The following PRKN variants were observed in gnomAD, a reference collection of about 807,000 sequenced individuals.
PRKN encodes E3 ubiquitin-protein ligase parkin.
PRKN carries 56 observed loss-of-function variants against 59.5 expected under a neutral mutation model. The ratio of observed to expected loss-of-function variants is 0.94; its 90% CI spans 0.76 to 1.18. The LOEUF is 1.18. PRKN is among the 50% of genes most tolerant of loss of function. The probability of loss-of-function intolerance (pLI) is 0.00; values close to 1 mark genes in which losing one functional copy is unlikely to be tolerated. For synonymous variants in PRKN, 250 were observed against 222.1 expected (o/e 1.13, Z -1.12); for missense variants, 657 against 596.4 (o/e 1.10, Z -1.06).
intron 6 of PRKN, among the ~76,000 whole-genome samples, chr6:161,928,290 CTTATTA>C (rs764938865): frequency 6.6e-6 from 1 of 152,070 alleles, no homozygotes; most frequent in African/African-American, 2.4e-5. Flanking sequence ...GATAATGACA[CTTATTA>C]TTAATATTTG....
intron 3 of PRKN, among the ~76,000 whole-genome samples, chr6:162,203,721 T>C (rs532541663): frequency 2.0e-5 from 3 of 152,312 alleles, no homozygotes; most frequent in Admixed American, 6.5e-5. Flanking sequence ...TCTTGTGGTA[T>C]GTAGCTGTCT....
chr6:161,474,253 T>A (rs1017958072), intron 9 of PRKN, among the ~76,000 whole-genome samples: 2 of 152,184 alleles, frequency 1.3e-5, no homozygotes, highest in Non-Finnish European at 2.9e-5. Flanking sequence ...GGGCCTGGTG[T>A]GTAATGGCTC....
In PRKN at chr6:161,750,118, T is replaced by TATATATACAC. The variant is rs1269147499; in HGVS notation, c.871+35653_871+35654insGTGTATATAT. On this transcript the variant is annotated intron_variant, in intron 7 of 11. Coordinates refer to ENST00000366898, the MANE Select transcript of PRKN (RefSeq NM_004562.3). ...TAGGACATATATATATATATATATA[T>TATATATACAC]ACACACACACACACACACACACACA... Among the ~76,000 whole-genome samples, 62 of 137,822 alleles carry TATATATACAC rather than the reference T, an allele frequency of 4.5e-4. 1 individual carries two copies. Among genetic ancestry groups the TATATATACAC allele is most frequent in the African/African-American group, 1.5e-3 (57 of 37,318 alleles). The allele number at this position is 137,822 out of a possible 152,430, so 90.4% of individuals were successfully genotyped here. A position where few individuals can be genotyped will look rare whatever the true frequency, so the allele number is the denominator to read the frequency against.
intron 1 of PRKN, among the ~76,000 whole-genome samples, chr6:162,690,426 G>C (rs1157171100): frequency 6.6e-6 from 1 of 152,164 alleles, no homozygotes. Context: ...TCTTAGTTAA[G>C]AGCACAGCTC....
At chr6:162,037,207 G>A (rs1317612284) in intron 5 of PRKN, among the ~76,000 whole-genome samples, 1 of 152,146 alleles carries the variant, frequency 6.6e-6, no homozygotes, top group African/African-American at 2.4e-5. Context: ...ATGTGTCTAA[G>A]GAAGATCACT....
In PRKN at chr6:161,456,655, A is replaced by G. The variant is rs1458706345; in HGVS notation, c.1084-69778T>C. ...ATCACCAGCTTGAATCCTGCCCAAG[A>G]ATAAAGAGGATCAAGGACAGGGCAC... is the stretch of plus-strand genomic sequence containing the variant. On this transcript the variant is annotated intron_variant, in intron 9 of 11. Coordinates refer to ENST00000366898, the MANE Select transcript of PRKN (RefSeq NM_004562.3). The surrounding 1 kb of genome is among the most constrained non-coding windows in gnomAD (Gnocchi z 4.8). Among the ~76,000 whole-genome samples the G allele has an allele frequency of 3.3e-5, 5 of 152,178 alleles. No individual in the cohort carries two copies. Among genetic ancestry groups the G allele is most frequent in the Admixed American group, 3.3e-4 (5 of 15,274 alleles).
At chr6:161,659,560 G>T (rs1037249822) in intron 7 of PRKN, among the ~76,000 whole-genome samples, 3 of 152,164 alleles carry the variant, frequency 2.0e-5, no homozygotes, top group Non-Finnish European at 2.9e-5. Context: ...CTATGGGCTG[G>T]GCATAAGGAT....
intron 7 of PRKN, among the ~76,000 whole-genome samples, chr6:161,734,751 C>T (rs1290543412): frequency 2.0e-5 from 3 of 152,082 alleles, no homozygotes; most frequent in Non-Finnish European, 4.4e-5. Flanking sequence ...CAAGCCAATG[C>T]TATTGAGTGG....
intron 7 of PRKN, among the ~76,000 whole-genome samples, chr6:161,684,350 G>A (rs1055137586): frequency 6.6e-6 from 1 of 151,872 alleles, no homozygotes; most frequent in Non-Finnish European, 1.5e-5. Flanking sequence ...TCAAAGTGCT[G>A]GGATTACACG....
intron 6 of PRKN, among the ~76,000 whole-genome samples, chr6:161,791,142 TTAAG>T (rs1790621464): frequency 1.3e-5 from 2 of 152,296 alleles, no homozygotes; most frequent in African/African-American, 4.8e-5. Flanking sequence ...AAATTAAAGG[TTAAG>T]TAAAGTTCTC....
chr6:161,668,576 T>C (rs565896042), intron 7 of PRKN, among the ~76,000 whole-genome samples: 63 of 152,334 alleles, frequency 4.1e-4, no homozygotes, highest in African/African-American at 1.4e-3. Context: ...GTCCCTAAGA[T>C]ATTAAGCTCC....
chr6:161,633,322 C>T (rs12209276), intron 7 of PRKN, among the ~76,000 whole-genome samples: 363 of 152,260 alleles, frequency 2.4e-3, no homozygotes, highest in Non-Finnish European at 4.1e-3. Flanking sequence ...TTTTTATATT[C>T]CTTCCAATTG....
chr6:161,409,102 T>C lies in PRKN; in HGVS notation c.1084-22225A>G, dbSNP rs1787408943. 6.6e-6 allele frequency among the ~76,000 whole-genome samples: 1 copy of C among 152,110 alleles called. No homozygotes were observed. The highest frequency in any genetic ancestry group is 6.5e-5 in the Admixed American group (1 of 15,272). ...CTAGGACTACAGGCTCCCATCACCATGCCCAGCTAATTTTTGTACTTTTAG... is the reference window on the plus strand; with the variant it reads ...CTAGGACTACAGGCTCCCATCACCACGCCCAGCTAATTTTTGTACTTTTAG... On this transcript the variant is annotated intron_variant, in intron 9 of 11. Coordinates refer to ENST00000366898, the MANE Select transcript of PRKN (RefSeq NM_004562.3). The surrounding 1 kb of genome is among the most constrained non-coding windows in gnomAD (Gnocchi z 4.6).
At chr6:162,523,925 G>A (rs1384512104) in intron 1 of PRKN, among the ~76,000 whole-genome samples, 1 of 152,080 alleles carries the variant, frequency 6.6e-6, no homozygotes, top group African/African-American at 2.4e-5. Context: ...GGAAGAGTAA[G>A]GATAGTGTGA....
At chr6:162,699,992 TTGAA>T (rs1332751004) in intron 1 of PRKN, among the ~76,000 whole-genome samples, 2 of 152,200 alleles carry the variant, frequency 1.3e-5, no homozygotes, top group Admixed American at 6.5e-5. Context: ...AAAATGAATA[TTGAA>T]TGAATATTCA....
In PRKN at chr6:161,880,737, C is replaced by T. The variant is rs1174044430; in HGVS notation, c.734+92565G>A. 2.6e-5 allele frequency among the ~76,000 whole-genome samples: 4 copies of T among 152,276 alleles called. No individual in the cohort carries two copies. In the East Asian group the frequency reaches 7.7e-4, roughly 29 times the overall value. On this transcript the variant is annotated intron_variant, in intron 6 of 11. Coordinates refer to ENST00000366898, the MANE Select transcript of PRKN (RefSeq NM_004562.3). ...GAAGAACGCACTTCCTGGGCACTAC[C>T]TCCCCTTCCCCTGCTTTTCATTTCC...
At chr6:161,627,578 G>A (rs576484413) in intron 7 of PRKN, among the ~76,000 whole-genome samples, 20 of 152,334 alleles carry the variant, frequency 1.3e-4, no homozygotes, top group African/African-American at 3.6e-4. Context: ...TATTTGTGGC[G>A]GAGAGTTCTA....
intron 2 of PRKN, among the ~76,000 whole-genome samples, chr6:162,289,687 C>CA (rs376838845): frequency 0.35 from 50,008 of 141,674 alleles, 9,054 homozygotes; most frequent in South Asian, 0.45. Context: ...GACACTGTCT[C>CA]AAAAAAAAAA....
chr6:162,196,123 G>T (rs1215822832), intron 4 of PRKN, among the ~76,000 whole-genome samples: 2 of 152,192 alleles, frequency 1.3e-5, no homozygotes, highest in Admixed American at 1.3e-4. Context: ...AATGATAGTA[G>T]CAAGGGACAG....
Sources: gnomAD v4.1 joint callset for allele counts (sites outside exome capture counted in the v4.1 genomes callset) on GRCh38, gnomAD v4.1.1 for gene constraint, Gnocchi (gnomAD v3.1) non-coding constraint, MANE v1.5 for transcripts, NCBI Gene and HGNC (gene_info 2026-07-23, HGNC 2026-07-21) for gene names.